The following BSCL2 variants were observed in gnomAD, a reference collection of about 807,000 sequenced individuals.
BSCL2 encodes the protein seipin.
BSCL2 carries 41 observed loss-of-function variants against 57.4 expected under a neutral mutation model. That is an observed-to-expected ratio of 0.71 (90% CI 0.56 to 0.93). The LOEUF (loss-of-function observed/expected upper bound fraction) is 0.93. Among genes scored for constraint, BSCL2 ranks in the 40% least tolerant of loss-of-function variants. The probability of loss-of-function intolerance (pLI) is 0.00; values close to 1 mark genes in which losing one functional copy is unlikely to be tolerated. For synonymous variants in BSCL2, 237 were observed against 227.3 expected, an observed-to-expected ratio of 1.04 and a Z score of -0.38; for missense variants, 539 against 586.7, an observed-to-expected ratio of 0.92 and a Z score of 0.84.
chr11:62,692,843 T>C, intron 4 of BSCL2, 46 bp from the exon 5 acceptor site: 1 of 1,609,946 alleles, frequency 6.2e-7, no homozygotes, highest in South Asian at 1.1e-5. Context: ...GCATGCCAGA[T>C]CCCCATGACC....
Position 62,690,431 on chromosome 11 carries a change from G to A in BSCL2, c.1325C>T (p.Thr442Ile), listed in dbSNP as rs876661160. The A allele has an allele frequency of 6.2e-7, 1 of 1,614,188 alleles. No individual in the cohort carries two copies. The highest frequency in any genetic ancestry group is 1.3e-5 in the African/African-American group (1 of 75,048). The change falls in exon 11 of 11, where the codon ACT (threonine) becomes ATT (isoleucine). Residue 442 changes from threonine to isoleucine, a missense_variant. By Grantham distance (89) the Thr-to-Ile change is moderately conservative (BLOSUM62 -1). Around this residue, in one of 3 missense-constraint regions of BSCL2, gnomAD observed 248 missense variants for 239.9 expected, o/e 1.03. Coordinates refer to ENST00000360796, the MANE Select transcript of BSCL2 (RefSeq NM_001122955.4). Reference protein sequence around the residue: ...PASASAPVLETLGSSEPAGGA... With the variant: ...PASASAPVLEILGSSEPAGGA... Reference sequence around the variant, plus strand: ...CCCAGCAGGTTCAGAGCTGCCCAGAGTCTCTAGGACAGGGGCAGAAGCAGA... The same window carrying A: ...CCCAGCAGGTTCAGAGCTGCCCAGAATCTCTAGGACAGGGGCAGAAGCAGA...
chr11:62,691,517 A>C (rs2134692562), intron 6 of BSCL2, 96 bp from the exon 7 acceptor site: 1 of 1,476,874 alleles, frequency 6.8e-7, no homozygotes, highest in South Asian at 1.2e-5. Flanking sequence ...AATTCAAGTG[A>C]GTTTGGTTAC....
intron 3 of BSCL2, among the ~76,000 whole-genome samples, chr11:62,697,317 C>A (rs1945500093): frequency 6.7e-6 from 1 of 149,196 alleles, no homozygotes; most frequent in African/African-American, 2.5e-5. Flanking sequence ...ATGGCGTGAA[C>A]CCGGGAGGCG....
At chr11:62,708,433 G>C (rs752462745), upstream of BSCL2, 2 of 1,413,284 alleles carry the variant, frequency 1.4e-6, no homozygotes, top group South Asian at 2.3e-5. Context: ...AGTTGGCCAG[G>C]CTGTGCTGTG....
upstream of BSCL2, chr11:62,708,398 G>A (rs756320857): frequency 6.6e-5 from 105 of 1,602,114 alleles, 1 homozygote; most frequent in Non-Finnish European, 1.3e-5. Flanking sequence ...GATAAAGGTA[G>A]GTGGGACCCT....
At chr11:62,707,639 G>A, upstream of BSCL2, 1 of 475,766 alleles carries the variant, frequency 2.1e-6, no homozygotes. Context: ...TCCCCCACTG[G>A]CCAGGCAGTT....
intron 3 of BSCL2, among the ~76,000 whole-genome samples, chr11:62,698,509 T>C (rs1945542761): frequency 6.6e-6 from 1 of 152,208 alleles, no homozygotes; most frequent in Non-Finnish European, 1.5e-5. Flanking sequence ...GAATCCGCAT[T>C]TTACAGTTTA....
intron 3 of BSCL2, among the ~76,000 whole-genome samples, chr11:62,699,572 G>A (rs1026719003): frequency 6.6e-6 from 1 of 152,086 alleles, no homozygotes; most frequent in African/African-American, 2.4e-5. Flanking sequence ...CAGGCATGGT[G>A]GCTCATACCT....
intron 1 of BSCL2, chr11:62,706,232 C>T: frequency 9.3e-7 from 1 of 1,076,872 alleles, no homozygotes; most frequent in Non-Finnish European, 1.1e-6. Context: ...AACCAGCCCG[C>T]CGGCTGCCAC....
chr11:62,701,406 A>C (rs537592566), intron 3 of BSCL2, among the ~76,000 whole-genome samples: 2 of 152,326 alleles, frequency 1.3e-5, no homozygotes, highest in South Asian at 2.1e-4. Context: ...ATCATAGCTT[A>C]CTTAGCCTAG....
chr11:62,698,029 T>C (rs1165171760), intron 3 of BSCL2, among the ~76,000 whole-genome samples: 1 of 150,034 alleles, frequency 6.7e-6, no homozygotes, highest in Non-Finnish European at 1.5e-5. Flanking sequence ...TGCCTCAGTC[T>C]CCCGAGTAGC....
chr11:62,701,986 C>G (rs1477647212), intron 3 of BSCL2, among the ~76,000 whole-genome samples: 1 of 151,992 alleles, frequency 6.6e-6, no homozygotes, highest in African/African-American at 2.4e-5. Context: ...TGAGAAAGAA[C>G]ATTTCTAACA....
At chr11:62,705,175 G>A in intron 2 of BSCL2, 126 bp downstream of exon 2, 1 of 1,046,794 alleles carries the variant, frequency 9.6e-7, no homozygotes, top group Non-Finnish European at 1.4e-6. Flanking sequence ...TGAAAGTTGA[G>A]AGGCCCTGGA....
At position 62,693,273 on chromosome 11, in the gene BSCL2, G is replaced by A. The variant is rs140812277; in HGVS notation, c.631-476C>T. On this transcript the variant is annotated intron_variant, in intron 4 of 10. Coordinates refer to ENST00000360796, the MANE Select transcript of BSCL2 (RefSeq NM_001122955.4). Reference sequence around the variant, plus strand: ...ACTTGCAGCACTTTGGGAGGCTGAGGTGGTTGAATCATTTGAGATCAGGAG... The same window carrying A: ...ACTTGCAGCACTTTGGGAGGCTGAGATGGTTGAATCATTTGAGATCAGGAG... Among the ~76,000 whole-genome samples, 340 of 152,268 alleles carry A rather than the reference G, an allele frequency of 2.2e-3. 3 individuals carry two copies. In the Middle Eastern group the frequency reaches 0.034, roughly 15 times the overall value.
In BSCL2 at chr11:62,705,527, G is replaced by A. The variant is rs2083513803; in HGVS notation, c.178C>T (p.Pro60Ser). Reference sequence around the variant, plus strand: ...TCGTTGACCATGGCCGGGAGAGCAGGGTGTCTGGCCCCAGGTTCAGGCCTT... The same window carrying A: ...TCGTTGACCATGGCCGGGAGAGCAGAGTGTCTGGCCCCAGGTTCAGGCCTT... The part of the protein sequence containing the change: ...NARPEPGARH[P>S]ALPAMVNDPP... Residue 60 changes from proline to serine, a missense_variant, in exon 2 of 11, where the codon CCT (proline) becomes TCT (serine). Coordinates refer to ENST00000360796, the MANE Select transcript of BSCL2 (RefSeq NM_001122955.4). 6.2e-7 allele frequency: 1 copy of A among 1,613,098 alleles called. No homozygotes were observed. The highest frequency in any genetic ancestry group is 1.7e-5 in the Admixed American group (1 of 59,984).
chr11:62,691,066 C>T lies in BSCL2; in HGVS notation c.1072+9G>A. ...CCCACCTCAACAGCTCCCCAGCCAA[C>T]ACCTTTACCTGGCTGATGAGCAGAG... On this transcript the variant is annotated intron_variant, in intron 8 of 10. Transcript: ENST00000360796. 6.2e-7 allele frequency: 1 copy of T among 1,614,188 alleles called. No homozygotes were observed. Among genetic ancestry groups the T allele is most frequent in the African/African-American group, 1.3e-5 (1 of 75,070 alleles).
intron 3 of BSCL2, among the ~76,000 whole-genome samples, chr11:62,698,522 A>C (rs1387357509): frequency 6.6e-6 from 1 of 152,214 alleles, no homozygotes. Flanking sequence ...ACAGTTTACT[A>C]CTTAAATGTA....
chr11:62,696,910 T>C (rs190939455), intron 3 of BSCL2, among the ~76,000 whole-genome samples: 25 of 151,904 alleles, frequency 1.6e-4, no homozygotes, highest in Admixed American at 6.6e-4. Flanking sequence ...TGGTGGTGCA[T>C]GCCTGCAGTC....
intron 2 of BSCL2, among the ~76,000 whole-genome samples, chr11:62,703,223 A>G (rs1945697089): frequency 6.6e-6 from 1 of 151,832 alleles, no homozygotes; most frequent in African/African-American, 2.4e-5. Flanking sequence ...TCTGGGTCCT[A>G]GTTTGAGAAA....
Sources: gnomAD v4.1 joint callset for allele counts (sites outside exome capture counted in the v4.1 genomes callset) on GRCh38, gnomAD v4.1.1 for gene constraint, gnomAD v4.1.1 regional missense constraint, MANE v1.5 for transcripts, NCBI Gene and HGNC (gene_info 2026-07-23, HGNC 2026-07-21) for gene names.